PFKFB3: variants seen among roughly 807,000 people sequenced by gnomAD.
The protein encoded by PFKFB3 is 6-phosphofructo-2-kinase/fructose-2,6-bisphosphatase 3.
In PFKFB3, 33 loss-of-function variants were observed where a neutral mutation model predicts 68.0. The ratio of observed to expected loss-of-function variants is 0.49; its 90% CI spans 0.37 to 0.65. The LOEUF (loss-of-function observed/expected upper bound fraction) is 0.65. Among genes scored for constraint, PFKFB3 ranks in the 30% least tolerant of loss-of-function variants. PFKFB3 has a pLI of 0.00. For synonymous variants in PFKFB3, 315 were observed against 288.2 expected, an observed-to-expected ratio of 1.09 and a Z score of -0.94; for missense variants, 586 against 712.2, an observed-to-expected ratio of 0.82 and a Z score of 2.02.
chr10:6,240,733 T>C (rs1396155375), intron 14 of PFKFB3, among the ~76,000 whole-genome samples: 3 of 152,146 alleles, frequency 2.0e-5, no homozygotes, highest in Non-Finnish European at 2.9e-5. Context: ...ACAGACTTCA[T>C]TCAGGTCTCA....
chr10:6,252,969 A>ATC (rs1186681184), intron 14 of PFKFB3, among the ~76,000 whole-genome samples: 2 of 152,196 alleles, frequency 1.3e-5, no homozygotes, highest in African/African-American at 2.4e-5. Context: ...CCCAGGCTAG[A>ATC]GTGCAGTGGC....
chr10:6,249,629 C>T (rs2132080598), intron 14 of PFKFB3, among the ~76,000 whole-genome samples: 1 of 152,240 alleles, frequency 6.6e-6, no homozygotes, highest in African/African-American at 2.4e-5. Context: ...TATGTGGAAT[C>T]CGAAACAGTC....
intron 10 of PFKFB3, among the ~76,000 whole-genome samples, 155 bp downstream of exon 10, chr10:6,221,900 T>C (rs1844990214): frequency 6.6e-6 from 1 of 152,160 alleles, no homozygotes; most frequent in Non-Finnish European, 1.5e-5. Context: ...CTGAACCTTC[T>C]AACAGCCTGG....
chr10:6,275,452 C>G, the PFKFB3 span, among the ~76,000 whole-genome samples: 1 of 152,330 alleles, frequency 6.6e-6, no homozygotes, highest in South Asian at 2.1e-4. This position sits in a 1 kb window ranked among gnomAD's most constrained non-coding sequence, Gnocchi z 4.9. Context: ...GAACGCTGTC[C>G]CCAGCCTTGT....
intron 1 of PFKFB3, among the ~76,000 whole-genome samples, chr10:6,148,627 A>G (rs1841475321): frequency 6.6e-5 from 10 of 152,224 alleles, no homozygotes; most frequent in Admixed American, 6.5e-4. Flanking sequence ...TAGTATCTTG[A>G]CGTGAAACAT....
chr10:6,217,412 G>T (rs1052308980), intron 6 of PFKFB3, among the ~76,000 whole-genome samples: 1 of 152,234 alleles, frequency 6.6e-6, no homozygotes, highest in Admixed American at 6.5e-5. Context: ...CAGTGGGCAG[G>T]CTTGGATGGG....
the PFKFB3 span, among the ~76,000 whole-genome samples, chr10:6,313,543 T>C: frequency 1.3e-5 from 2 of 152,172 alleles, no homozygotes; most frequent in Non-Finnish European, 2.9e-5. This position sits in a 1 kb window ranked among gnomAD's most constrained non-coding sequence, Gnocchi z 4.2. Context: ...CAGCCCCTCC[T>C]CTGCCAGACT....
chr10:6,247,950 G>C (rs933379793), intron 14 of PFKFB3, among the ~76,000 whole-genome samples: 2 of 152,166 alleles, frequency 1.3e-5, no homozygotes, highest in African/African-American at 4.8e-5. Context: ...TAAAAATGTA[G>C]GAGGTTAGAA....
chr10:6,178,153 A>G (rs902815482), intron 1 of PFKFB3, among the ~76,000 whole-genome samples: 7 of 152,138 alleles, frequency 4.6e-5, no homozygotes, highest in African/African-American at 1.7e-4. Context: ...AAGCCCGGTG[A>G]CCTTGGGCTG....
rs74459969 is a variant in PFKFB3, at chr10:6,228,583, G to T, written c.1515+2218G>T. ...GATCTTGGTGGCGAGCTGCATCTGT[G>T]CCAGGTGCCATTAGCCTTAAAGCCC... On this transcript the variant is annotated intron_variant, in intron 14 of 14. Transcript: ENST00000379775. The surrounding 1 kb of genome is among the most constrained non-coding windows in gnomAD (Gnocchi z 4.5). 2.4e-3 allele frequency among the ~76,000 whole-genome samples: 370 copies of T among 152,254 alleles called. No individual in the cohort carries two copies. Among genetic ancestry groups the T allele is most frequent in the Non-Finnish European group, 3.9e-3 (262 of 68,010 alleles).
intron 2 of PFKFB3, among the ~76,000 whole-genome samples, chr10:6,214,557 TG>T (rs1290556272): frequency 6.6e-6 from 1 of 152,040 alleles, no homozygotes; most frequent in African/African-American, 2.4e-5. Context: ...TTCGGGTACA[TG>T]TGCATGTTTG....
At chr10:6,190,620 C>T (rs546132803) in intron 1 of PFKFB3, among the ~76,000 whole-genome samples, 1 of 152,236 alleles carries the variant, frequency 6.6e-6, no homozygotes, top group Non-Finnish European at 1.5e-5. Flanking sequence ...TGGGCAACAT[C>T]GTGAGACCCC....
chr10:6,281,381 A>G, the PFKFB3 span, among the ~76,000 whole-genome samples: 5 of 151,914 alleles, frequency 3.3e-5, no homozygotes, highest in Admixed American at 2.6e-4. Context: ...CCTAGGGCAT[A>G]CAGAAACGGC....
chr10:6,148,664 G>A (rs941366020), intron 1 of PFKFB3, among the ~76,000 whole-genome samples: 4 of 152,178 alleles, frequency 2.6e-5, no homozygotes, highest in Non-Finnish European at 5.9e-5. Flanking sequence ...ACGAAAAGGA[G>A]GCAGGAAGCA....
At chr10:6,232,229 T>C (rs77853599) in intron 14 of PFKFB3, among the ~76,000 whole-genome samples, 1,905 of 145,108 alleles carry the variant, frequency 0.013, 49 homozygotes, top group African/African-American at 0.046. Flanking sequence ...CTCGCTGATT[T>C]TGGAGCATGT....
At chr10:6,269,432 T>G in the PFKFB3 span, among the ~76,000 whole-genome samples, 1 of 152,224 alleles carries the variant, frequency 6.6e-6, no homozygotes, top group African/African-American at 2.4e-5. Context: ...CAGCTGGGAC[T>G]ACAGGTATGC....
chr10:6,324,168 C>T, the PFKFB3 span, among the ~76,000 whole-genome samples: 32 of 152,264 alleles, frequency 2.1e-4, no homozygotes, highest in East Asian at 5.0e-3. Context: ...ACAACATGGA[C>T]GAACCTTGAT....
the PFKFB3 span, among the ~76,000 whole-genome samples, chr10:6,302,377 T>G: frequency 1.7e-5 from 2 of 118,982 alleles, no homozygotes; most frequent in South Asian, 3.0e-4. Flanking sequence ...TTTTTTTTTT[T>G]TTTTTTTTTT....
intron 1 of PFKFB3, among the ~76,000 whole-genome samples, chr10:6,185,468 G>A (rs1308295218): frequency 6.6e-6 from 1 of 152,134 alleles, no homozygotes; most frequent in African/African-American, 2.4e-5. Context: ...CCACTGCGGG[G>A]GCGAGGAGAC....
Sources: allele counts gnomAD v4.1 joint callset (sites outside exome capture counted in the v4.1 genomes callset), GRCh38; gene constraint gnomAD v4.1.1; non-coding constraint Gnocchi (gnomAD v3.1); transcripts MANE v1.5; gene names NCBI Gene and HGNC (gene_info 2026-07-23, HGNC 2026-07-21).